SLC12A6: variants seen among roughly 807,000 people sequenced by gnomAD.
The protein encoded by SLC12A6 is solute carrier family 12 member 6.
SLC12A6 carries 66 observed loss-of-function variants against 135.3 expected under a neutral mutation model. That is an observed-to-expected ratio of 0.49 (90% CI 0.40 to 0.60). The LOEUF (loss-of-function observed/expected upper bound fraction) is 0.60, where lower values mean the gene tolerates loss of function less well. Among genes scored for constraint, SLC12A6 ranks in the 20% least tolerant of loss-of-function variants. SLC12A6 has a pLI of 0.00. For missense variants in SLC12A6, 1,058 were observed against 1,452.3 expected, an observed-to-expected ratio of 0.73 and a Z score of 4.41; for synonymous variants, 513 against 508.8, an observed-to-expected ratio of 1.01 and a Z score of -0.11.
In SLC12A6 at chr15:34,236,154, T is replaced by C; in HGVS notation, c.3088A>G (p.Ile1030Val). 1 of 1,614,038 alleles carries C rather than the reference T, an allele frequency of 6.2e-7. No homozygotes were observed. The change falls in exon 24 of 26, where the codon ATT becomes GTT. Residue 1030 changes from isoleucine (I) to valine (V), a missense_variant. Physicochemically the swap from Ile to Val is conservative, Grantham distance 29. Coordinates refer to ENST00000354181, the MANE Select transcript of SLC12A6 (RefSeq NM_001365088.1). ...DRNSMLRLTS[I>V]GSDEDEETET... Reference sequence around the variant, plus strand: ...GTCTCTTCGTCCTCATCAGAGCCAATGCTGGTCAATCGTAGCATTGAGTTT... The same window carrying C: ...GTCTCTTCGTCCTCATCAGAGCCAACGCTGGTCAATCGTAGCATTGAGTTT...
intron 2 of SLC12A6, among the ~76,000 whole-genome samples, chr15:34,302,810 C>T (rs1482508877): frequency 6.7e-6 from 1 of 150,174 alleles, no homozygotes; most frequent in African/African-American, 2.5e-5. Flanking sequence ...ATTAGCCTGG[C>T]GTAGTAGTGG....
intron 2 of SLC12A6, chr15:34,318,732 A>G: frequency 6.2e-7 from 1 of 1,610,390 alleles, no homozygotes; most frequent in Non-Finnish European, 8.5e-7. Flanking sequence ...CCTTCCAGTT[A>G]GTTTTCCCTG....
chr15:34,262,069 T>G (rs560932645), intron 3 of SLC12A6, among the ~76,000 whole-genome samples: 1 of 152,154 alleles, frequency 6.6e-6, no homozygotes, highest in South Asian at 2.1e-4. Flanking sequence ...TTACATACAA[T>G]TGAAACCCAA....
intron 2 of SLC12A6, among the ~76,000 whole-genome samples, chr15:34,284,756 T>C (rs1422860048): frequency 6.6e-6 from 1 of 152,076 alleles, no homozygotes; most frequent in East Asian, 1.9e-4. Flanking sequence ...CAGTAAGCTA[T>C]AAAACAAACA....
At chr15:34,298,343 T>C (rs347843) in intron 2 of SLC12A6, among the ~76,000 whole-genome samples, 58,547 of 151,698 alleles carry the variant, frequency 0.39, 14,412 homozygotes, top group African/African-American at 0.71. Flanking sequence ...GGCATGGTGG[T>C]GGGCATCTGC....
intron 2 of SLC12A6, among the ~76,000 whole-genome samples, chr15:34,333,821 A>G (rs1282597645): frequency 2.6e-5 from 4 of 152,128 alleles, no homozygotes; most frequent in Admixed American, 1.3e-4. Context: ...CTGTAATCCC[A>G]GCACTTTGGG....
Position 34,261,024 on chromosome 15 carries a change from GA to G in SLC12A6, c.317-5del, listed in dbSNP as rs747243268. On this transcript the variant is annotated splice_region_variant and splice_polypyrimidine_tract_variant and intron_variant, in intron 3 of 25. Coordinates refer to ENST00000354181, the MANE Select transcript of SLC12A6 (RefSeq NM_001365088.1). ...CGAGCTTTCTTATGTCCGTCGTCTG[GA>G]AAAAAAAAAGTAGACCAAGTTAGTT... 2,956 of 1,290,574 alleles carry G rather than the reference GA, an allele frequency of 2.3e-3. No individual in the cohort carries two copies. Among genetic ancestry groups the G allele is most frequent in the Non-Finnish European group, 2.7e-3 (2,538 of 929,498 alleles). The allele number at this position is 1,290,574 out of a possible 1,614,324, so 79.9% of individuals were successfully genotyped here. A position where few individuals can be genotyped will look rare whatever the true frequency, so the allele number is the denominator to read the frequency against.
intron 2 of SLC12A6, among the ~76,000 whole-genome samples, chr15:34,333,265 T>C (rs1453462637): frequency 6.7e-6 from 1 of 150,368 alleles, no homozygotes; most frequent in Non-Finnish European, 1.5e-5. Context: ...AGTCTCGCTC[T>C]GTCACCCAGG....
At chr15:34,234,023 C>G in intron 25 of SLC12A6, 51 bp from the exon 26 acceptor site, 2 of 902,394 alleles carry the variant, frequency 2.2e-6, no homozygotes, top group Non-Finnish European at 3.8e-6. Context: ...AACTTAAAAC[C>G]TGGCATCATC....
At chr15:34,319,491 A>G (rs528954715) in intron 2 of SLC12A6, among the ~76,000 whole-genome samples, 2 of 152,166 alleles carry the variant, frequency 1.3e-5, no homozygotes, top group South Asian at 4.1e-4. Flanking sequence ...GACTGGCACT[A>G]TATCAACTTA....
At chr15:34,249,084 T>C (rs1892206867) in intron 13 of SLC12A6, among the ~76,000 whole-genome samples, 1 of 152,160 alleles carries the variant, frequency 6.6e-6, no homozygotes. Context: ...GGTTTGTATG[T>C]TCAAATTTTG....
chr15:34,313,811 AG>A (rs1220513695), intron 2 of SLC12A6, among the ~76,000 whole-genome samples: 1 of 152,146 alleles, frequency 6.6e-6, no homozygotes, highest in Non-Finnish European at 1.5e-5. Flanking sequence ...AAGACCCTTA[AG>A]GACTATACAA....
chr15:34,290,381 G>C (rs941448616), intron 2 of SLC12A6, among the ~76,000 whole-genome samples: 10 of 152,174 alleles, frequency 6.6e-5, no homozygotes, highest in Non-Finnish European at 1.5e-4. Flanking sequence ...CATTTGCTGA[G>C]GAGTGCTTTA....
intron 19 of SLC12A6, among the ~76,000 whole-genome samples, chr15:34,239,782 T>C (rs950143312): frequency 2.6e-5 from 4 of 152,216 alleles, no homozygotes; most frequent in Admixed American, 6.5e-5. Context: ...GAAAATGGAA[T>C]GATTTTTGCA....
In SLC12A6 at chr15:34,333,636, T is replaced by C. The variant is rs144055719; in HGVS notation, c.271+2774A>G. 3.3e-3 allele frequency among the ~76,000 whole-genome samples: 504 copies of C among 152,358 alleles called. 3 individuals are homozygous for C. In the Middle Eastern group the frequency reaches 0.061, roughly 19 times the overall value. ...ATAAGCTAATACACTGCTAAGATTCTTGATTTTACCAACTGGACAGTCCTA... is the reference window on the plus strand; with the variant it reads ...ATAAGCTAATACACTGCTAAGATTCCTGATTTTACCAACTGGACAGTCCTA... On this transcript the variant is annotated intron_variant, in intron 2 of 25. Coordinates refer to ENST00000354181, the MANE Select transcript of SLC12A6 (RefSeq NM_001365088.1).
chr15:34,318,510 C>A, intron 2 of SLC12A6: 1 of 1,442,444 alleles, frequency 6.9e-7, no homozygotes, highest in Non-Finnish European at 9.8e-7. Context: ...CTAGTTACTT[C>A]TTTCATGAAA....
chr15:34,238,135 C>T (rs1190684525), intron 21 of SLC12A6, 97 bp downstream of exon 21: 1 of 886,118 alleles, frequency 1.1e-6, no homozygotes, highest in Non-Finnish European at 1.9e-6. Context: ...TGATTCTAAA[C>T]CCCAACACTA....
rs567065810 is a variant in SLC12A6 at position 34,249,527 on chromosome 15, A to G, written c.1649+771T>C. Among the ~76,000 whole-genome samples, 58 of 152,342 alleles carry G rather than the reference A, an allele frequency of 3.8e-4. 2 individuals carry two copies. In the South Asian group the frequency reaches 6.8e-3, roughly 18 times the overall value. ...GGCTGTAGGGAGCTGTCACTGCACC[A>G]CTGCACTGTAGTCTGGGCAACAGAG... On this transcript the variant is annotated intron_variant, in intron 13 of 25. Transcript: ENST00000354181.
chr15:34,256,818 A>G (rs992544214), intron 6 of SLC12A6, among the ~76,000 whole-genome samples: 4 of 152,184 alleles, frequency 2.6e-5, no homozygotes, highest in Non-Finnish European at 5.9e-5. Context: ...TGAGAGGTAA[A>G]AACTATAGTG....
Sources: allele counts gnomAD v4.1 joint callset (sites outside exome capture counted in the v4.1 genomes callset), GRCh38; gene constraint gnomAD v4.1.1; transcripts MANE v1.5; gene names NCBI Gene and HGNC (gene_info 2026-07-23, HGNC 2026-07-21).